The following WDR7 variants were observed in gnomAD, a reference collection of about 807,000 sequenced individuals.
The protein encoded by WDR7 is WD repeat domain 7, also known as WD repeat-containing protein 7.
Under a neutral mutation model 169.4 loss-of-function variants are expected in WDR7, and 46 were observed. That is an observed-to-expected ratio of 0.27 (90% CI 0.21 to 0.35). WDR7 has a LOEUF of 0.35. Among genes scored for constraint, WDR7 ranks in the 10% least tolerant of loss-of-function variants. WDR7 has a pLI of 1.00. For missense variants in WDR7, 1,534 were observed against 1,859.3 expected, an observed-to-expected ratio of 0.83 and a Z score of 3.22; for synonymous variants, 612 against 666.8, an observed-to-expected ratio of 0.92 and a Z score of 1.27.
At chr18:56,999,756 G>C (rs2047948178) in intron 26 of WDR7, among the ~76,000 whole-genome samples, 2 of 152,088 alleles carry the variant, frequency 1.3e-5, no homozygotes, top group Admixed American at 1.3e-4. Flanking sequence ...ACAATACCAA[G>C]GAGACAGGAG....
chr18:56,726,474 A>G (rs977016014), intron 13 of WDR7, among the ~76,000 whole-genome samples: 14 of 152,166 alleles, frequency 9.2e-5, no homozygotes, highest in African/African-American at 2.7e-4. Flanking sequence ...AGAATATAAG[A>G]ATGCCTGTGA....
intron 21 of WDR7, among the ~76,000 whole-genome samples, chr18:56,904,606 GC>G (rs1186379885): frequency 6.6e-6 from 1 of 152,082 alleles, no homozygotes; most frequent in East Asian, 1.9e-4. Flanking sequence ...GAGAGTGGCA[GC>G]CATTCCTGCT....
At chr18:56,788,614 A>C (rs374756562) in intron 19 of WDR7, among the ~76,000 whole-genome samples, 1 of 152,020 alleles carries the variant, frequency 6.6e-6, no homozygotes, top group Non-Finnish European at 1.5e-5. Context: ...CTACTTTCCT[A>C]TCTCCTTTGT....
At chr18:56,944,097 T>G (rs2047069984) in intron 25 of WDR7, among the ~76,000 whole-genome samples, 3 of 148,790 alleles carry the variant, frequency 2.0e-5, no homozygotes, top group Non-Finnish European at 4.5e-5. Context: ...CAAGCAGTTC[T>G]CCTGCCTCAG....
chr18:56,746,490 C>T (rs541053647), intron 14 of WDR7, among the ~76,000 whole-genome samples: 126 of 152,276 alleles, frequency 8.3e-4, no homozygotes, highest in African/African-American at 2.9e-3. Flanking sequence ...TCCTTCACTT[C>T]TATTTCAGTA....
At chr18:56,725,340 C>T (rs1301594400) in intron 13 of WDR7, among the ~76,000 whole-genome samples, 1 of 151,332 alleles carries the variant, frequency 6.6e-6, no homozygotes, top group African/African-American at 2.5e-5. Flanking sequence ...TTAATGATTG[C>T]CATTCTAACT....
intron 21 of WDR7, among the ~76,000 whole-genome samples, chr18:56,913,156 G>A (rs2046576199): frequency 1.3e-5 from 2 of 152,226 alleles, no homozygotes; most frequent in South Asian, 4.2e-4. Context: ...TTACAAGCAT[G>A]AGCCACTGTG....
chr18:56,906,345 A>G (rs1295101004), intron 21 of WDR7, among the ~76,000 whole-genome samples: 3 of 152,150 alleles, frequency 2.0e-5, no homozygotes, highest in Non-Finnish European at 4.4e-5. Context: ...CATTTGAATT[A>G]TGATTGGAAG....
intron 14 of WDR7, among the ~76,000 whole-genome samples, chr18:56,742,771 G>A (rs1489366904): frequency 6.6e-6 from 1 of 152,140 alleles, no homozygotes; most frequent in East Asian, 1.9e-4. Context: ...TTCAGATGAT[G>A]GAAGCAGATG....
chr18:56,793,455 A>G (rs1163346341), intron 19 of WDR7, among the ~76,000 whole-genome samples: 1 of 152,258 alleles, frequency 6.6e-6, no homozygotes, highest in Non-Finnish European at 1.5e-5. Context: ...AGGCATAGTA[A>G]GCACACTAAA....
At chr18:56,942,015 T>G (rs1208650412) in intron 25 of WDR7, among the ~76,000 whole-genome samples, 1 of 152,106 alleles carries the variant, frequency 6.6e-6, no homozygotes, top group East Asian at 1.9e-4. Context: ...TTGTCACTGG[T>G]AGGTGGAGTT....
At chr18:56,977,365 A>T (rs2047582929) in intron 26 of WDR7, among the ~76,000 whole-genome samples, 1 of 152,206 alleles carries the variant, frequency 6.6e-6, no homozygotes. Context: ...GCTGGGATGG[A>T]AGAGTGCAGG....
In WDR7 at chr18:56,756,669, C is replaced by A. The variant is rs770274331; in HGVS notation, c.2076C>A (p.Phe692Leu). Residue 692 changes from phenylalanine (F) to leucine (L), a missense_variant, in exon 15 of 28, where the codon TTC becomes TTA. Coordinates refer to ENST00000254442, the MANE Select transcript of WDR7 (RefSeq NM_015285.3). ...CAGACCCGGACATACATGTGCTATT[C>A]TTTGATGTGGAAGCGTTGATTATTC... ...NLTDPDIHVL[F>L]FDVEALIIQL... 1 of 1,614,132 alleles carries A rather than the reference C, an allele frequency of 6.2e-7. No individual in the cohort carries two copies. The highest frequency in any genetic ancestry group is 1.6e-4 in the Middle Eastern group (1 of 6,062).
chr18:56,920,866 A>G (rs1210096158), intron 21 of WDR7, among the ~76,000 whole-genome samples: 1 of 152,170 alleles, frequency 6.6e-6, no homozygotes, highest in Non-Finnish European at 1.5e-5. Flanking sequence ...TAATTTCAGC[A>G]TTTGGTCCTC....
chr18:56,976,835 G>C (rs1432606861), intron 26 of WDR7, among the ~76,000 whole-genome samples: 3 of 152,202 alleles, frequency 2.0e-5, no homozygotes, highest in African/African-American at 7.2e-5. Flanking sequence ...AGAGAAAAGA[G>C]GGCCTCACCC....
chr18:56,728,229 G>GT (rs1811857459), intron 13 of WDR7, among the ~76,000 whole-genome samples: 1 of 152,098 alleles, frequency 6.6e-6, no homozygotes, highest in Non-Finnish European at 1.5e-5. Context: ...GCAAAGTTAT[G>GT]TTTTTTCTTT....
chr18:56,854,691 G>T (rs958403914), intron 20 of WDR7, among the ~76,000 whole-genome samples: 4 of 152,154 alleles, frequency 2.6e-5, no homozygotes, highest in Non-Finnish European at 4.4e-5. Context: ...CAGGTATAGG[G>T]TAGGACCCCT....
intron 25 of WDR7, among the ~76,000 whole-genome samples, chr18:56,960,854 T>A (rs532037236): frequency 6.6e-6 from 1 of 152,104 alleles, no homozygotes; most frequent in Admixed American, 6.6e-5. Context: ...AAGCTTCATA[T>A]GTTTTAGGAG....
At chr18:56,718,971 G>A (rs1312324349) in intron 13 of WDR7, among the ~76,000 whole-genome samples, 3 of 152,098 alleles carry the variant, frequency 2.0e-5, no homozygotes, top group Non-Finnish European at 4.4e-5. Flanking sequence ...AAGCCTTTTG[G>A]GAATAAATAG....
Sources: allele counts gnomAD v4.1 joint callset (sites outside exome capture counted in the v4.1 genomes callset), GRCh38; gene constraint gnomAD v4.1.1; transcripts MANE v1.5; gene names NCBI Gene and HGNC (gene_info 2026-07-23, HGNC 2026-07-21).